The following UPF2 variants were observed in gnomAD, a reference collection of about 807,000 sequenced individuals.
UPF2 encodes UPF2 regulator of nonsense mediated mRNA decay.
UPF2 carries 17 observed loss-of-function variants against 141.4 expected under a neutral mutation model. That is an observed-to-expected ratio of 0.12 (90% CI 0.08 to 0.18). The LOEUF (loss-of-function observed/expected upper bound fraction) is 0.18, where lower values mean the gene tolerates loss of function less well. Ranked by LOEUF, UPF2 falls within the 10% of genes least tolerant of loss-of-function variation. UPF2 has a pLI of 1.00. For missense variants in UPF2, 1,152 were observed against 1,515.9 expected, an observed-to-expected ratio of 0.76 and a Z score of 3.99; for synonymous variants, 540 against 498.0, an observed-to-expected ratio of 1.08 and a Z score of -1.12.
intron 11 of UPF2, among the ~76,000 whole-genome samples, chr10:11,960,113 G>A (rs1302677619): frequency 6.6e-6 from 1 of 152,190 alleles, no homozygotes. Context: ...GTGCCTTGTG[G>A]AATGTTTTAC....
chr10:12,018,564 G>C (rs1834264575), intron 3 of UPF2, among the ~76,000 whole-genome samples: 2 of 152,050 alleles, frequency 1.3e-5, no homozygotes, highest in South Asian at 2.1e-4. Context: ...CTGGGGGACA[G>C]AGCAAGACTC....
intron 8 of UPF2, among the ~76,000 whole-genome samples, chr10:11,983,763 G>A (rs1833639743): frequency 6.6e-6 from 1 of 152,042 alleles, no homozygotes; most frequent in South Asian, 2.1e-4. Flanking sequence ...AGTGAGATTG[G>A]TCAATGCTTG....
At chr10:11,986,514 C>CT in intron 8 of UPF2, among the ~76,000 whole-genome samples, 1 of 152,190 alleles carries the variant, frequency 6.6e-6, no homozygotes, top group Admixed American at 6.5e-5. Flanking sequence ...GTCTAGCTCT[C>CT]TTTTTCTCTT....
chr10:11,965,264 C>T lies in UPF2; in HGVS notation c.2068-1139G>A, dbSNP rs757723061. On this transcript the variant is annotated intron_variant, in intron 10 of 21. Transcript: ENST00000357604. ...TCCTATATATTTTTAAGAATTAGTA[C>T]AAAGAAATACACCAATACATTTAAA... 2.0e-5 allele frequency among the ~76,000 whole-genome samples: 3 copies of T among 152,036 alleles called. No homozygotes were observed. In the East Asian group the frequency reaches 5.8e-4, roughly 29 times the overall value.
intron 15 of UPF2, 41 bp from the exon 16 acceptor site, chr10:11,948,549 T>TAGA: frequency 1.2e-6 from 2 of 1,601,722 alleles, no homozygotes; most frequent in Non-Finnish European, 1.7e-6. Flanking sequence ...ACATTAAAAA[T>TAGA]AGACACAGGC....
At chr10:12,030,003 C>T (rs962152743) in intron 2 of UPF2, among the ~76,000 whole-genome samples, 6 of 149,156 alleles carry the variant, frequency 4.0e-5, no homozygotes, top group Admixed American at 6.7e-5. Flanking sequence ...ATTTTACTAA[C>T]GACTAACGAT....
chr10:11,961,108 A>T, intron 11 of UPF2, among the ~76,000 whole-genome samples: 1 of 151,260 alleles, frequency 6.6e-6, no homozygotes, highest in East Asian at 1.9e-4. Flanking sequence ...AAAAAAAAAA[A>T]TTACTTGGTA....
chr10:11,974,169 T>G (rs1465227303), intron 9 of UPF2, among the ~76,000 whole-genome samples: 2 of 151,606 alleles, frequency 1.3e-5, no homozygotes, highest in African/African-American at 4.9e-5. Context: ...CACTCATGAT[T>G]TGCCTCTCTG....
chr10:11,953,143 C>T lies in UPF2; in HGVS notation c.2851-894G>A, dbSNP rs183754129. Among the ~76,000 whole-genome samples, 54 of 152,286 alleles carry T rather than the reference C, an allele frequency of 3.5e-4. No homozygotes were observed. The highest frequency in any genetic ancestry group is 1.3e-3 in the African/African-American group (54 of 41,562). ...ATACTTGTTTTAATTCCTAAATTTA[C>T]ATTAACTGAAAGCACAACCCAAGAA... On this transcript the variant is annotated intron_variant, in intron 14 of 21. Coordinates refer to ENST00000357604, the MANE Select transcript of UPF2 (RefSeq NM_015542.4). This position sits in a 1 kb window ranked among gnomAD's most constrained non-coding sequence, Gnocchi z 5.0.
chr10:11,990,981 C>G (rs924832217), intron 8 of UPF2, among the ~76,000 whole-genome samples: 2 of 136,588 alleles, frequency 1.5e-5, no homozygotes, highest in Non-Finnish European at 3.0e-5. Flanking sequence ...CAGAGCAAGA[C>G]TCCATCTCAA....
chr10:12,029,413 G>T lies in UPF2; in HGVS notation c.477C>A (p.Asn159Lys). ...QNAPDSRPEENFFSRLDSSLK... is the reference protein window; with the variant it reads ...QNAPDSRPEEKFFSRLDSSLK... ...AACTTGAGTCGAGGCGGCTGAAGAA[G>T]TTTTCCTCTGGTCGGCTGTCCGGAG... Residue 159 changes from asparagine (N) to lysine (K), a missense_variant, in exon 3 of 22, where the codon AAC becomes AAA. Asn to Lys is a moderately conservative substitution (Grantham distance 94). Around this residue, in one of 4 missense-constraint regions of UPF2, gnomAD observed 739 missense variants for 1,032.2 expected, o/e 0.72. Transcript: ENST00000357604. 1 of 1,614,200 alleles carries T rather than the reference G, an allele frequency of 6.2e-7. No individual in the cohort carries two copies. Among genetic ancestry groups the T allele is most frequent in the Non-Finnish European group, 8.5e-7 (1 of 1,180,040 alleles).
intron 4 of UPF2, among the ~76,000 whole-genome samples, chr10:12,010,916 C>G (rs950599285): frequency 1.3e-5 from 2 of 151,786 alleles, no homozygotes; most frequent in Non-Finnish European, 2.9e-5. Context: ...AGCTAGAAGA[C>G]AGAGGAGTAA....
At chr10:12,000,520 C>T (rs1833934900) in intron 6 of UPF2, among the ~76,000 whole-genome samples, 3 of 152,134 alleles carry the variant, frequency 2.0e-5, no homozygotes, top group Non-Finnish European at 2.9e-5. Flanking sequence ...TGGCTCATGC[C>T]TATAATGCCA....
At chr10:11,933,538 T>C (rs1019633707) in intron 19 of UPF2, among the ~76,000 whole-genome samples, 9 of 152,184 alleles carry the variant, frequency 5.9e-5, no homozygotes, top group Non-Finnish European at 1.3e-4. Context: ...GGACTTCAAA[T>C]TCATTTACAT....
Position 12,014,097 on chromosome 10 carries a change from T to A in UPF2, c.1233A>T (p.Ala411=). 6.2e-7 allele frequency: 1 copy of A among 1,600,120 alleles called. No homozygotes were observed. The highest frequency in any genetic ancestry group is 1.1e-5 in the South Asian group (1 of 88,804). The change falls in exon 4 of 22, where the codon GCA becomes GCT. Residue 411 remains alanine, a synonymous_variant. Transcript: ENST00000357604. The surrounding 1 kb of genome is among the most constrained non-coding windows in gnomAD (Gnocchi z 5.0). The part of the protein sequence containing the change: ...EFAMSYQKLL[A]NSQSLADLLD... ...AAAGGTCTGCTAAGGATTGAGAATT[T>A]GCCAGCAGCTTCTGGTAAGACATAG...
Position 11,921,174 on chromosome 10 carries a change from T to G in UPF2, c.*124A>C. Reference sequence around the variant, plus strand: ...CTCCTGGCCCCAGCCTGTCCCAGGTTTAGATTCGCAACTCTCTAGACCGAC... The same window carrying G: ...CTCCTGGCCCCAGCCTGTCCCAGGTGTAGATTCGCAACTCTCTAGACCGAC... On this transcript the variant is annotated 3_prime_UTR_variant, in exon 22 of 22. Transcript: ENST00000357604. The surrounding 1 kb of genome is among the most constrained non-coding windows in gnomAD (Gnocchi z 5.9). The G allele has an allele frequency of 7.4e-7, 1 of 1,357,170 alleles. No individual in the cohort carries two copies. Among genetic ancestry groups the G allele is most frequent in the Non-Finnish European group, 1.1e-6 (1 of 946,020 alleles). 84.1% of individuals were successfully genotyped at this position (1,357,170 alleles called of 1,614,324 possible).
intron 21 of UPF2, chr10:11,928,633 C>T (rs945841896): frequency 2.2e-5 from 5 of 223,674 alleles, no homozygotes; most frequent in South Asian, 1.4e-4. Context: ...GGCGTGAACC[C>T]GGGAGGCAGA....
Position 11,938,853 on chromosome 10 carries a change from G to GTTTTTTTTTTTTTTTTTTTTTTTTT in UPF2, c.3379-2166_3379-2142dup, listed in dbSNP as rs58106776. ...GTGGTCTTAAGCAAGTTTTTTTTTT[G>GTTTTTTTTTTTTTTTTTTTTTTTTT]TTTTTTTTTTTTTTTTTTTTTTTTT... On this transcript the variant is annotated intron_variant, in intron 18 of 21. Coordinates refer to ENST00000357604, the MANE Select transcript of UPF2 (RefSeq NM_015542.4). 5.4e-4 allele frequency among the ~76,000 whole-genome samples: 43 copies of GTTTTTTTTTTTTTTTTTTTTTTTTT among 79,826 alleles called. 11 individuals carry two copies. Among genetic ancestry groups the GTTTTTTTTTTTTTTTTTTTTTTTTT allele is most frequent in the Non-Finnish European group, 6.1e-4 (26 of 42,772 alleles). 52.4% of individuals were successfully genotyped at this position (79,826 alleles called of 152,430 possible). A position where few individuals can be genotyped will look rare whatever the true frequency, so the allele number is the denominator to read the frequency against.
intron 1 of UPF2, among the ~76,000 whole-genome samples, chr10:12,038,151 G>C (rs559534398): frequency 1.3e-5 from 2 of 152,262 alleles, no homozygotes; most frequent in African/African-American, 4.8e-5. Context: ...GGGAGGCCAA[G>C]GTGGGCGGAT....
Sources: allele counts gnomAD v4.1 joint callset (sites outside exome capture counted in the v4.1 genomes callset), GRCh38; gene constraint gnomAD v4.1.1; regional missense constraint gnomAD v4.1.1; non-coding constraint Gnocchi (gnomAD v3.1); transcripts MANE v1.5; gene names NCBI Gene and HGNC (gene_info 2026-07-23, HGNC 2026-07-21).